TMEM273: variants seen among roughly 807,000 people sequenced by gnomAD.
The protein encoded by TMEM273 is transmembrane protein 273, also known as chromosome 10 open reading frame 128.
Under a neutral mutation model 17.9 loss-of-function variants are expected in TMEM273, and 19 were observed. The observed-to-expected ratio is 1.06, with a 90% CI of 0.74 to 1.55. TMEM273 has a LOEUF of 1.55. Among genes scored for constraint, TMEM273 ranks in the 40% most tolerant of loss-of-function variants. The pLI is 0.00. For missense variants in TMEM273, 194 were observed against 155.6 expected, an observed-to-expected ratio of 1.25 and a Z score of -1.31; for synonymous variants, 66 against 62.0, an observed-to-expected ratio of 1.07 and a Z score of -0.31.
At chr10:49,168,665 GAAGGAAGA>G (rs1395837492) in intron 1 of TMEM273, among the ~76,000 whole-genome samples, 9 of 126,652 alleles carry the variant, frequency 7.1e-5, no homozygotes, top group Non-Finnish European at 1.3e-4. Context: ...TGGAAGGAAG[GAAGGAAGA>G]AAGGAAGGAA....
intron 1 of TMEM273, among the ~76,000 whole-genome samples, chr10:49,185,320 G>T (rs1041300001): frequency 6.6e-6 from 1 of 152,038 alleles, no homozygotes; most frequent in African/African-American, 2.4e-5. Context: ...GACTGGCCTG[G>T]CTTCTCATCC....
chr10:49,167,835 C>T (rs1337026481), intron 2 of TMEM273, 74 bp downstream of exon 2: 8 of 1,582,034 alleles, frequency 5.1e-6, no homozygotes, highest in Non-Finnish European at 6.9e-6. Flanking sequence ...CACTGCGGCC[C>T]TCTGCTTGCT....
chr10:49,177,415 C>T (rs1847053371), intron 1 of TMEM273, among the ~76,000 whole-genome samples: 1 of 152,208 alleles, frequency 6.6e-6, no homozygotes, highest in Non-Finnish European at 1.5e-5. Flanking sequence ...TGCCTGAGTG[C>T]TGACCCGGTT....
intron 1 of TMEM273, among the ~76,000 whole-genome samples, chr10:49,179,957 G>T (rs1847241802): frequency 6.6e-6 from 1 of 152,198 alleles, no homozygotes; most frequent in Non-Finnish European, 1.5e-5. Flanking sequence ...GGAGACCTGG[G>T]CTTCCACGCT....
At chr10:49,185,860 C>T (rs1275674381) in intron 1 of TMEM273, among the ~76,000 whole-genome samples, 2 of 151,740 alleles carry the variant, frequency 1.3e-5, no homozygotes, top group African/African-American at 4.8e-5. Flanking sequence ...TGCCTGTAAT[C>T]CCAGCTACTC....
At position 49,175,879 on chromosome 10, in the gene TMEM273, G is replaced by C. The variant is rs1035806972; in HGVS notation, c.44-7917C>G. Among the ~76,000 whole-genome samples the C allele has an allele frequency of 7.9e-5, 12 of 152,318 alleles. No homozygotes were observed. In the South Asian group the frequency reaches 2.5e-3, roughly 32 times the overall value. On this transcript the variant is annotated intron_variant, in intron 1 of 6. Coordinates refer to ENST00000374153, the MANE Select transcript of TMEM273 (RefSeq NM_001288740.3). ...TTGGGTGGACAGTGGTATCCAGGGAGGGCCAGATCAGAGGCCCCACAGCCG... is the reference window on the plus strand; with the variant it reads ...TTGGGTGGACAGTGGTATCCAGGGACGGCCAGATCAGAGGCCCCACAGCCG...
intron 2 of TMEM273, among the ~76,000 whole-genome samples, chr10:49,167,393 G>A (rs80191471): frequency 0.034 from 5,112 of 152,328 alleles, 261 homozygotes; most frequent in African/African-American, 0.11. Flanking sequence ...GCAGGAGAAT[G>A]GATAAGGCCT....
chr10:49,178,291 C>T (rs1437640151), intron 1 of TMEM273: 1 of 457,064 alleles, frequency 2.2e-6, no homozygotes, highest in African/African-American at 2.0e-5. Flanking sequence ...CCACCTGTCC[C>T]ATTCTTGCAG....
At chr10:49,160,976 G>A (rs1378600347) in intron 6 of TMEM273, 1 of 152,718 alleles carries the variant, frequency 6.5e-6, no homozygotes, top group Non-Finnish European at 1.5e-5. Flanking sequence ...TTCTCAGTGG[G>A]TTTGGCACAT....
At position 49,155,613 on chromosome 10, in the gene TMEM273, A is replaced by C; in HGVS notation, c.*279T>G. On this transcript the variant is annotated 3_prime_UTR_variant, in exon 7 of 7. Transcript: ENST00000374153. ...TCATGGAAGCATGAACAGCTCCAAC[A>C]CAGGGTGAAGCTTTTGGTGTCCACC... The C allele has an allele frequency of 1.8e-6, 1 of 549,518 alleles. No individual in the cohort carries two copies. The highest frequency in any genetic ancestry group is 3.3e-6 in the Non-Finnish European group (1 of 307,250). 34.0% of individuals were successfully genotyped at this position (549,518 alleles called of 1,614,324 possible).
At chr10:49,170,032 C>G (rs1478273060) in intron 1 of TMEM273, among the ~76,000 whole-genome samples, 1 of 152,238 alleles carries the variant, frequency 6.6e-6, no homozygotes, top group Non-Finnish European at 1.5e-5. Flanking sequence ...GCTTGGTCCC[C>G]CCTCCCATCC....
At chr10:49,156,888 G>A (rs752341399) in intron 6 of TMEM273, among the ~76,000 whole-genome samples, 1 of 152,250 alleles carries the variant, frequency 6.6e-6, no homozygotes, top group South Asian at 2.1e-4. Flanking sequence ...GATATGGTGA[G>A]AGGAAGTGGT....
chr10:49,166,923 G>A lies in TMEM273; in HGVS notation c.184C>T (p.His62Tyr), dbSNP rs753034528. 1.9e-6 allele frequency: 3 copies of A among 1,614,088 alleles called. No individual in the cohort carries two copies. The highest frequency in any genetic ancestry group is 2.5e-6 in the Non-Finnish European group (3 of 1,180,004). Residue 62 changes from histidine (H) to tyrosine (Y), a missense_variant, in exon 3 of 7, where the codon CAC becomes TAC. Transcript: ENST00000374153. ...LALKICMIRRHLFDDDSSDLK... is the reference protein window; with the variant it reads ...LALKICMIRRYLFDDDSSDLK... ...TCGGAAGAGTCGTCGTCAAATAAGT[G>A]CCTCCTGATCATGCAGATCTTCAGG...
chr10:49,171,286 C>T (rs1468607735), intron 1 of TMEM273, among the ~76,000 whole-genome samples: 4 of 151,536 alleles, frequency 2.6e-5, no homozygotes, highest in Non-Finnish European at 5.9e-5. Flanking sequence ...CTGACCACCT[C>T]CCTTGAACTG....
intron 1 of TMEM273, among the ~76,000 whole-genome samples, chr10:49,187,041 T>C (rs1013684021): frequency 6.6e-5 from 10 of 152,368 alleles, no homozygotes; most frequent in South Asian, 4.1e-4. Context: ...ACATTTTTCA[T>C]TGGATTTCTT....
intron 1 of TMEM273, among the ~76,000 whole-genome samples, chr10:49,170,374 G>C (rs9804303): frequency 0.06 from 9,053 of 152,110 alleles, 897 homozygotes; most frequent in African/African-American, 0.21. Flanking sequence ...GTGTTGCCCT[G>C]AACCCTCAGC....
intron 2 of TMEM273, 111 bp downstream of exon 2, chr10:49,167,798 A>T (rs1321063941): frequency 3.6e-6 from 5 of 1,407,054 alleles, no homozygotes; most frequent in African/African-American, 1.4e-5. Context: ...CCCTTTTCCT[A>T]TGCTGACAGC....
At chr10:49,159,732 T>G (rs138083453) in intron 6 of TMEM273, among the ~76,000 whole-genome samples, 1 of 96,192 alleles carries the variant, frequency 1.0e-5, no homozygotes, top group South Asian at 3.9e-4. Context: ...ACAGAGAGAG[T>G]GAGAGAGAGA....
intron 1 of TMEM273, among the ~76,000 whole-genome samples, chr10:49,168,720 G>T (rs1039751951): frequency 6.8e-6 from 1 of 147,988 alleles, no homozygotes; most frequent in Non-Finnish European, 1.5e-5. Flanking sequence ...GAGGGAGGGA[G>T]GGTGGGAAGG....
Sources: allele counts gnomAD v4.1 joint callset (sites outside exome capture counted in the v4.1 genomes callset), GRCh38; gene constraint gnomAD v4.1.1; transcripts MANE v1.5; gene names NCBI Gene and HGNC (gene_info 2026-07-23, HGNC 2026-07-21).